The following HELLS variants were observed in gnomAD, a reference collection of about 807,000 sequenced individuals.
HELLS encodes lymphoid-specific helicase.
In HELLS, 32 loss-of-function variants were observed where a neutral mutation model predicts 120.0. The observed-to-expected ratio is 0.27, with a 90% CI of 0.20 to 0.36. HELLS has a LOEUF of 0.36. HELLS is among the 10% of genes least tolerant of loss of function. The probability of loss-of-function intolerance (pLI) is 1.00; values close to 1 mark genes in which losing one functional copy is unlikely to be tolerated. For missense variants in HELLS, 650 were observed against 993.4 expected (o/e 0.65, Z 4.65); for synonymous variants, 341 against 323.4 (o/e 1.05, Z -0.58).
At chr10:94,573,896 G>T in intron 7 of HELLS, 64 bp from the exon 8 acceptor site, 2 of 880,126 alleles carry the variant, frequency 2.3e-6, no homozygotes, top group Non-Finnish European at 3.7e-6. Flanking sequence ...TGCATTTTCT[G>T]ATAAATGGTG....
At chr10:94,556,230 A>G (rs188507533) in intron 3 of HELLS, among the ~76,000 whole-genome samples, 3 of 152,334 alleles carry the variant, frequency 2.0e-5, no homozygotes, top group Admixed American at 2.0e-4. Flanking sequence ...TGTTTGGTGT[A>G]TAGGGAAAAC....
chr10:94,596,202 T>G (rs900601930), intron 19 of HELLS, among the ~76,000 whole-genome samples: 2 of 152,174 alleles, frequency 1.3e-5, no homozygotes, highest in African/African-American at 4.8e-5. Flanking sequence ...TCAGTTGAGT[T>G]ATTACATACA....
At chr10:94,573,542 C>T (rs1253936327) in intron 7 of HELLS, among the ~76,000 whole-genome samples, 5 of 152,020 alleles carry the variant, frequency 3.3e-5, no homozygotes, top group African/African-American at 1.2e-4. Flanking sequence ...TCATGGCTCA[C>T]TGCAGCCTTG....
rs1845538501 is a variant in HELLS at position 94,592,417 on chromosome 10, C to T, written c.1874C>T (p.Thr625Ile). Residue 625 changes from threonine (T) to isoleucine (I), a missense_variant, in exon 17 of 22, where the codon ACA (threonine) becomes ATA (isoleucine). This residue lies in a region of HELLS where 191 missense variants were observed against 259.7 expected (regional missense o/e 0.74). Coordinates refer to ENST00000348459, the MANE Select transcript of HELLS (RefSeq NM_018063.5). The part of the protein sequence containing the change: ...GHKVLLFSQM[T>I]SMLDILMDYC... ...CAGGTGCTGCTTTTTTCACAAATGA[C>T]AAGCATGTTGGACATTTTGATGGAT... The T allele has an allele frequency of 1.3e-6, 2 of 1,588,914 alleles. No individual in the cohort carries two copies. The highest frequency in any genetic ancestry group is 1.7e-6 in the Non-Finnish European group (2 of 1,170,042).
At chr10:94,556,154 C>T (rs879340950) in intron 3 of HELLS, among the ~76,000 whole-genome samples, 4 of 152,080 alleles carry the variant, frequency 2.6e-5, no homozygotes, top group Admixed American at 1.3e-4. Flanking sequence ...GTGCTTTCAC[C>T]CCGTAGATAG....
chr10:94,586,258 C>CT (rs1845141444), intron 12 of HELLS, among the ~76,000 whole-genome samples: 2 of 151,546 alleles, frequency 1.3e-5, no homozygotes, highest in African/African-American at 4.8e-5. Flanking sequence ...GTAGCTGGGA[C>CT]TACAGGCGCC....
chr10:94,547,753 G>A (rs1044280470), intron 2 of HELLS, among the ~76,000 whole-genome samples: 1 of 152,166 alleles, frequency 6.6e-6, no homozygotes, highest in African/African-American at 2.4e-5. Flanking sequence ...GGCACATAGA[G>A]GTTGTTTGGG....
chr10:94,581,648 T>A, intron 11 of HELLS, 126 bp downstream of exon 11: 1 of 575,330 alleles, frequency 1.7e-6, no homozygotes, highest in Non-Finnish European at 3.0e-6. Flanking sequence ...GTATATTGTA[T>A]GTTCTACTCC....
chr10:94,548,889 G>C (rs1842858040), intron 2 of HELLS, among the ~76,000 whole-genome samples: 2 of 152,148 alleles, frequency 1.3e-5, no homozygotes, highest in Admixed American at 1.3e-4. Context: ...AACTACTCAG[G>C]AGGCTGAGGC....
downstream of HELLS, among the ~76,000 whole-genome samples, chr10:94,604,678 A>G (rs1000075689): frequency 9.9e-5 from 15 of 152,132 alleles, no homozygotes; most frequent in African/African-American, 3.4e-4. Flanking sequence ...TAGTGTAGTT[A>G]TATAACTTTT....
At chr10:94,581,058 A>T (rs1844845512) in intron 10 of HELLS, among the ~76,000 whole-genome samples, 1 of 152,206 alleles carries the variant, frequency 6.6e-6, no homozygotes, top group South Asian at 2.1e-4. Context: ...CTAAGGTGTG[A>T]ATAGGGAAAT....
At chr10:94,552,545 G>C (rs1363644113) in intron 2 of HELLS, among the ~76,000 whole-genome samples, 1 of 152,174 alleles carries the variant, frequency 6.6e-6, no homozygotes, top group Non-Finnish European at 1.5e-5. Context: ...TTTAATACTT[G>C]TTGTTTTCAG....
At chr10:94,599,244 G>A (rs1845908321) in intron 21 of HELLS, among the ~76,000 whole-genome samples, 2 of 152,100 alleles carry the variant, frequency 1.3e-5, no homozygotes, top group South Asian at 4.2e-4. Flanking sequence ...AGGCATGTAA[G>A]GACTGTTTAA....
chr10:94,598,542 T>C (rs890175921), intron 21 of HELLS, among the ~76,000 whole-genome samples: 7 of 152,046 alleles, frequency 4.6e-5, no homozygotes, highest in African/African-American at 1.7e-4. Context: ...TTTTCAAATA[T>C]GTTGTTCATT....
chr10:94,595,764 A>G (rs1190402407), intron 19 of HELLS, among the ~76,000 whole-genome samples: 1 of 152,240 alleles, frequency 6.6e-6, no homozygotes, highest in African/African-American at 2.4e-5. Context: ...AGCTACCTGA[A>G]GAAATGTTGA....
Position 94,574,051 on chromosome 10 carries a change from C to G in HELLS, c.569C>G (p.Thr190Arg), listed in dbSNP as rs142677560. ...NSIIKDRLSETVRQNTKFFFD... is the reference protein window; with the variant it reads ...NSIIKDRLSERVRQNTKFFFD... ...ATAATTAAAGATAGATTGTCTGAAACGGTTAGGCAGAATACTAAATTCTTT... is the reference window on the plus strand; with the variant it reads ...ATAATTAAAGATAGATTGTCTGAAAGGGTTAGGCAGAATACTAAATTCTTT... The change falls in exon 8 of 22, where the codon ACG (threonine) becomes AGG (arginine). Residue 190 changes from threonine to arginine, a missense_variant. Coordinates refer to ENST00000348459, the MANE Select transcript of HELLS (RefSeq NM_018063.5). The G allele has an allele frequency of 1.2e-6, 2 of 1,611,122 alleles. No individual in the cohort carries two copies. Among genetic ancestry groups the G allele is most frequent in the Non-Finnish European group, 1.7e-6 (2 of 1,177,360 alleles).
In HELLS at chr10:94,596,213, T is replaced by C. The variant is rs114666992; in HGVS notation, c.2249-647T>C. Among the ~76,000 whole-genome samples, 488 of 152,308 alleles carry C rather than the reference T, an allele frequency of 3.2e-3. 2 individuals are homozygous for C. The highest frequency in any genetic ancestry group is 0.011 in the African/African-American group (471 of 41,542). Reference sequence around the variant, plus strand: ...TTTTTCAGTTGAGTTATTACATACATACAGCAAAATGCACAGATCTTAAAT... The same window carrying C: ...TTTTTCAGTTGAGTTATTACATACACACAGCAAAATGCACAGATCTTAAAT... On this transcript the variant is annotated intron_variant, in intron 19 of 21. Coordinates refer to ENST00000348459, the MANE Select transcript of HELLS (RefSeq NM_018063.5).
intron 12 of HELLS, 32 bp from the exon 13 acceptor site, chr10:94,588,197 C>T: frequency 3.0e-6 from 4 of 1,337,368 alleles, no homozygotes; most frequent in Non-Finnish European, 4.2e-6. Flanking sequence ...ATGTTTAATA[C>T]TCATATTTTT....
chr10:94,580,169 A>C (rs1844786922), intron 10 of HELLS, among the ~76,000 whole-genome samples: 1 of 101,484 alleles, frequency 9.9e-6, no homozygotes, highest in Admixed American at 1.0e-4. Context: ...ATATACACAC[A>C]CACACACACA....
Sources: gnomAD v4.1 joint callset for allele counts (sites outside exome capture counted in the v4.1 genomes callset) on GRCh38, gnomAD v4.1.1 for gene constraint, gnomAD v4.1.1 regional missense constraint, MANE v1.5 for transcripts, NCBI Gene and HGNC (gene_info 2026-07-23, HGNC 2026-07-21) for gene names.